The following GLRA1 variants were observed in gnomAD, a reference collection of about 807,000 sequenced individuals.
GLRA1 encodes the protein glycine receptor subunit alpha-1.
Under a neutral mutation model 48.3 loss-of-function variants are expected in GLRA1, and 37 were observed. That is an observed-to-expected ratio of 0.77 (90% CI 0.59 to 1.01). The LOEUF (loss-of-function observed/expected upper bound fraction) is 1.01, where lower values mean the gene tolerates loss of function less well. Among genes scored for constraint, GLRA1 ranks in the 50% least tolerant of loss-of-function variants. GLRA1 has a pLI of 0.00. For synonymous variants in GLRA1, 196 were observed against 210.7 expected (o/e 0.93, Z 0.60); for missense variants, 427 against 571.0 (o/e 0.75, Z 2.57).
intron 7 of GLRA1, among the ~76,000 whole-genome samples, chr5:151,838,882 C>CT (rs1561550101): frequency 2.0e-5 from 3 of 151,448 alleles, no homozygotes; most frequent in Non-Finnish European, 4.4e-5. Context: ...AAGTCAGAAT[C>CT]TTTTTTTTTC....
At chr5:151,850,943 A>G (rs1752889569) in intron 7 of GLRA1, among the ~76,000 whole-genome samples, 1 of 152,220 alleles carries the variant, frequency 6.6e-6, no homozygotes, top group Admixed American at 6.5e-5. Flanking sequence ...AATAAATCTT[A>G]GCTGCAAATA....
At chr5:151,891,793 G>A (rs900186643) in intron 2 of GLRA1, among the ~76,000 whole-genome samples, 6 of 152,220 alleles carry the variant, frequency 3.9e-5, no homozygotes, top group African/African-American at 1.4e-4. Flanking sequence ...TAAAAGTGGA[G>A]CTGTTTGGGG....
intron 7 of GLRA1, among the ~76,000 whole-genome samples, chr5:151,838,557 A>C (rs564500753): frequency 6.6e-6 from 1 of 152,328 alleles, no homozygotes; most frequent in East Asian, 1.9e-4. Context: ...AGATGGAATC[A>C]ACAGTAGATT....
intron 4 of GLRA1, among the ~76,000 whole-genome samples, chr5:151,859,019 A>T (rs1281885858): frequency 2.0e-5 from 3 of 152,144 alleles, no homozygotes; most frequent in Non-Finnish European, 4.4e-5. Context: ...AATTTTTCTG[A>T]TTCTCATTTG....
intron 1 of GLRA1, among the ~76,000 whole-genome samples, chr5:151,899,470 G>T (rs1754311626): frequency 6.6e-6 from 1 of 152,286 alleles, no homozygotes; most frequent in South Asian, 2.1e-4. Flanking sequence ...GGATGGTGAG[G>T]AGTGGTGGGT....
rs925950267 is a variant in GLRA1 at position 151,864,956 on chromosome 5, G to A, written c.253-4948C>T. 3.9e-5 allele frequency among the ~76,000 whole-genome samples: 6 copies of A among 152,092 alleles called. 1 individual carries two copies. Among genetic ancestry groups the A allele is most frequent in the Non-Finnish European group, 8.8e-5 (6 of 68,032 alleles). On this transcript the variant is annotated intron_variant, in intron 3 of 8. Transcript: ENST00000274576. ...GAAAGACTGAGACCCAGAGGGGAAA[G>A]GTATTTCCTAAGATCACACAACAAT...
At chr5:151,881,121 C>G (rs1385413845) in intron 3 of GLRA1, among the ~76,000 whole-genome samples, 2 of 152,178 alleles carry the variant, frequency 1.3e-5, no homozygotes, top group African/African-American at 4.8e-5. Context: ...CTGCACAATT[C>G]CACGATCCCT....
At chr5:151,919,617 T>C (rs1166378493) in intron 1 of GLRA1, among the ~76,000 whole-genome samples, 1 of 152,248 alleles carries the variant, frequency 6.6e-6, no homozygotes, top group East Asian at 1.9e-4. Context: ...AGCTGTGCTA[T>C]CATTGGAAGA....
At chr5:151,874,185 G>T (rs575844029) in intron 3 of GLRA1, among the ~76,000 whole-genome samples, 5 of 152,286 alleles carry the variant, frequency 3.3e-5, no homozygotes, top group African/African-American at 1.2e-4. Context: ...TTTCAGAGCT[G>T]CCCAAAGATG....
At chr5:151,858,066 C>T (rs1753094927) in intron 4 of GLRA1, among the ~76,000 whole-genome samples, 1 of 152,172 alleles carries the variant, frequency 6.6e-6, no homozygotes, top group Non-Finnish European at 1.5e-5. Context: ...CAAAGCCAAC[C>T]CCAATACCCT....
chr5:151,910,828 CACTT>C (rs1754590209), intron 1 of GLRA1, among the ~76,000 whole-genome samples: 2 of 152,158 alleles, frequency 1.3e-5, no homozygotes, highest in African/African-American at 4.8e-5. Flanking sequence ...GGGTTTATAG[CACTT>C]ACTAGGTCCT....
intron 7 of GLRA1, among the ~76,000 whole-genome samples, chr5:151,833,796 CAAA>C (rs757336792): frequency 9.3e-5 from 6 of 64,772 alleles, no homozygotes; most frequent in Admixed American, 3.7e-4. Context: ...AAGTGGAAAG[CAAA>C]AAAAAAAAAA....
chr5:151,892,051 C>G (rs1256042118), intron 2 of GLRA1, among the ~76,000 whole-genome samples: 1 of 152,222 alleles, frequency 6.6e-6, no homozygotes, highest in Non-Finnish European at 1.5e-5. Flanking sequence ...TTCTTCCCAT[C>G]ATACAAGAAG....
chr5:151,830,104 T>C (rs1188598763), intron 7 of GLRA1, among the ~76,000 whole-genome samples: 1 of 152,242 alleles, frequency 6.6e-6, no homozygotes, highest in African/African-American at 2.4e-5. Context: ...CCTATTCCTG[T>C]CATAATCTAT....
At chr5:151,919,947 C>T (rs774284244) in intron 1 of GLRA1, among the ~76,000 whole-genome samples, 26 of 152,220 alleles carry the variant, frequency 1.7e-4, no homozygotes, top group Admixed American at 5.9e-4. Context: ...GTGATGCTGT[C>T]GCAGGACGCG....
intron 1 of GLRA1, among the ~76,000 whole-genome samples, chr5:151,914,701 A>T (rs1754696112): frequency 6.6e-6 from 1 of 152,208 alleles, no homozygotes; most frequent in South Asian, 2.1e-4. Flanking sequence ...AAGGACGTTC[A>T]GTGGCTGACC....
Position 151,822,615 on chromosome 5 carries a change from G to C in GLRA1, c.*58C>G, listed in dbSNP as rs1007885241. 4 of 1,204,982 alleles carry C rather than the reference G, an allele frequency of 3.3e-6. No homozygotes were observed. Among genetic ancestry groups the C allele is most frequent in the African/African-American group, 3.0e-5 (2 of 66,974 alleles). The allele number at this position is 1,204,982 out of a possible 1,614,324, so 74.6% of individuals were successfully genotyped here. A position where few individuals can be genotyped will look rare whatever the true frequency, so the allele number is the denominator to read the frequency against. The stretch of plus-strand genomic sequence containing the variant: ...TCCCCTTCTCTTCCTTAGTCTCTCA[G>C]ATTCCTGTGCTATTCCCACGTTCCC... On this transcript the variant is annotated 3_prime_UTR_variant, in exon 9 of 9. Transcript: ENST00000274576.
chr5:151,860,678 T>A (rs541927418), intron 3 of GLRA1, among the ~76,000 whole-genome samples: 2 of 152,228 alleles, frequency 1.3e-5, no homozygotes, highest in Non-Finnish European at 2.9e-5. Flanking sequence ...GTTGATTTGT[T>A]TGGAAAGGTT....
chr5:151,840,444 A>C (rs556133131), intron 7 of GLRA1, among the ~76,000 whole-genome samples: 3 of 152,304 alleles, frequency 2.0e-5, no homozygotes, highest in South Asian at 2.1e-4. Flanking sequence ...GAACAAAGAC[A>C]CAAAAAAGAT....
Sources: gnomAD v4.1 joint callset for allele counts (sites outside exome capture counted in the v4.1 genomes callset) on GRCh38, gnomAD v4.1.1 for gene constraint, MANE v1.5 for transcripts, NCBI Gene and HGNC (gene_info 2026-07-23, HGNC 2026-07-21) for gene names.